Variants in EDIL3 observed in about 807,000 individuals in gnomAD.
EDIL3 encodes the protein EGF like and discoidin domains 3.
A neutral mutation model predicts 67.4 loss-of-function variants in EDIL3; 37 were observed. The observed-to-expected ratio is 0.55, with a 90% CI of 0.42 to 0.72. The LOEUF (loss-of-function observed/expected upper bound fraction) is 0.72. Ranked by LOEUF, EDIL3 falls within the 30% of genes least tolerant of loss-of-function variation. EDIL3 has a pLI of 0.00. For synonymous variants in EDIL3, 195 were observed against 196.3 expected (o/e 0.99, Z 0.05); for missense variants, 527 against 586.3 (o/e 0.90, Z 1.04).
At chr5:84,031,045 T>G (rs2301080) in intron 9 of EDIL3, among the ~76,000 whole-genome samples, 1,724 of 152,282 alleles carry the variant, frequency 0.011, 60 homozygotes, top group East Asian at 0.095. Flanking sequence ...TCTCCATGTC[T>G]TCACATGGTC....
chr5:84,115,512 T>A (rs1747649348), intron 5 of EDIL3, among the ~76,000 whole-genome samples: 1 of 152,172 alleles, frequency 6.6e-6, no homozygotes, highest in African/African-American at 2.4e-5. Flanking sequence ...GCCTATGAAC[T>A]CCAGTATTCA....
chr5:84,164,088 G>A (rs1280248046), intron 4 of EDIL3, among the ~76,000 whole-genome samples: 1 of 152,054 alleles, frequency 6.6e-6, no homozygotes, highest in Non-Finnish European at 1.5e-5. Flanking sequence ...AGATACAACT[G>A]AGAGGGATCT....
intron 1 of EDIL3, among the ~76,000 whole-genome samples, chr5:84,343,299 T>C (rs570313286): frequency 4.6e-5 from 7 of 152,156 alleles, no homozygotes; most frequent in African/African-American, 1.7e-4. Flanking sequence ...ACTCACTGAG[T>C]TCAGTACATT....
intron 3 of EDIL3, among the ~76,000 whole-genome samples, chr5:84,204,187 AGTT>A (rs1201219735): frequency 3.3e-5 from 5 of 152,206 alleles, no homozygotes; most frequent in African/African-American, 7.2e-5. Flanking sequence ...TTCATTAGAA[AGTT>A]GTTATCAGTT....
rs538513548 is a variant in EDIL3 at position 83,979,274 on chromosome 5, G to A, written c.1138-15914C>T. Among the ~76,000 whole-genome samples the A allele has an allele frequency of 1.4e-4, 21 of 152,168 alleles. No homozygotes were observed. The South Asian group carries it at 3.3e-3, about 24-fold the overall frequency. ...ACAATACTAAGTGTTAGGTGCTGGCGAGTAGATAGAGCAAGAATAACTCCC... is the reference window on the plus strand; with the variant it reads ...ACAATACTAAGTGTTAGGTGCTGGCAAGTAGATAGAGCAAGAATAACTCCC... On this transcript the variant is annotated intron_variant, in intron 9 of 10. Transcript: ENST00000296591.
chr5:83,985,598 A>G (rs1299867276), intron 9 of EDIL3, among the ~76,000 whole-genome samples: 1 of 152,072 alleles, frequency 6.6e-6, no homozygotes, highest in East Asian at 1.9e-4. Context: ...CTGAAATCAA[A>G]TTTGGGTACA....
chr5:84,229,966 AAG>A, intron 2 of EDIL3, 82 bp from the exon 3 acceptor site: 1 of 1,290,548 alleles, frequency 7.7e-7, no homozygotes, highest in Middle Eastern at 1.9e-4. Context: ...GAAAGAGAAA[AAG>A]AGATATTGAG....
At chr5:84,211,599 G>A (rs929835246) in intron 3 of EDIL3, among the ~76,000 whole-genome samples, 7 of 152,160 alleles carry the variant, frequency 4.6e-5, no homozygotes, top group African/African-American at 1.2e-4. Flanking sequence ...CAAAAGCGGA[G>A]CAGGTGATGT....
intron 3 of EDIL3, among the ~76,000 whole-genome samples, chr5:84,196,109 C>T (rs1413043845): frequency 1.3e-5 from 2 of 152,068 alleles, no homozygotes; most frequent in Non-Finnish European, 2.9e-5. Flanking sequence ...GTTGTTGCCT[C>T]TACCTTCAAA....
At position 84,067,512 on chromosome 5, in the gene EDIL3, A is replaced by C. The variant is rs1746666133; in HGVS notation, c.652-906T>G. Among the ~76,000 whole-genome samples, 3 of 152,270 alleles carry C rather than the reference A, an allele frequency of 2.0e-5. No homozygotes were observed. In the South Asian group the frequency reaches 6.2e-4, roughly 32 times the overall value. ...TAAATGTTCTTGATAAATTGCTATA[A>C]ATCACCCTCTCCAAAAATATAAATT... On this transcript the variant is annotated intron_variant, in intron 6 of 10. Transcript: ENST00000296591.
chr5:84,090,951 A>C (rs1163303338), intron 6 of EDIL3, among the ~76,000 whole-genome samples: 2 of 133,352 alleles, frequency 1.5e-5, no homozygotes, highest in East Asian at 4.3e-4. Context: ...TGTCTCAAAA[A>C]AACAAAAAAA....
At chr5:83,946,936 C>T (rs930143006) in intron 10 of EDIL3, among the ~76,000 whole-genome samples, 3 of 151,920 alleles carry the variant, frequency 2.0e-5, no homozygotes, top group Admixed American at 2.0e-4. Context: ...TACCATTGTT[C>T]TAACTTTTTG....
At chr5:84,295,776 T>A (rs1746038838) in intron 1 of EDIL3, among the ~76,000 whole-genome samples, 1 of 152,184 alleles carries the variant, frequency 6.6e-6, no homozygotes, top group African/African-American at 2.4e-5. Flanking sequence ...CTGTGTTGCT[T>A]AACTGTTATA....
intron 4 of EDIL3, among the ~76,000 whole-genome samples, chr5:84,145,015 C>T: frequency 6.6e-6 from 1 of 152,064 alleles, no homozygotes; most frequent in East Asian, 1.9e-4. Context: ...CTGAGAAGCA[C>T]TTTCCATGAA....
intron 3 of EDIL3, among the ~76,000 whole-genome samples, chr5:84,229,053 T>C (rs557715003): frequency 6.6e-6 from 1 of 152,254 alleles, no homozygotes; most frequent in South Asian, 2.1e-4. Flanking sequence ...TCTCAGGACT[T>C]GACTCTATTT....
intron 9 of EDIL3, among the ~76,000 whole-genome samples, chr5:83,972,108 T>C (rs896997393): frequency 9.2e-5 from 14 of 152,168 alleles, no homozygotes; most frequent in Admixed American, 9.2e-4. Flanking sequence ...CTGGCCTATA[T>C]GTTTCATGAA....
At chr5:84,101,054 A>G (rs912655703) in intron 6 of EDIL3, among the ~76,000 whole-genome samples, 3 of 152,080 alleles carry the variant, frequency 2.0e-5, no homozygotes, top group African/African-American at 4.8e-5. Flanking sequence ...ATCCTTTTAG[A>G]ATTATTAATA....
At chr5:84,331,017 A>T (rs1233665563) in intron 1 of EDIL3, among the ~76,000 whole-genome samples, 1 of 152,158 alleles carries the variant, frequency 6.6e-6, no homozygotes. Flanking sequence ...AGGTTTAATG[A>T]CTGTCCTATT....
At chr5:84,241,557 A>T (rs1744794127) in intron 2 of EDIL3, among the ~76,000 whole-genome samples, 2 of 152,152 alleles carry the variant, frequency 1.3e-5, no homozygotes, top group Non-Finnish European at 2.9e-5. Context: ...ATAATAAAAA[A>T]TAGGGCTCTC....
Sources: allele counts gnomAD v4.1 joint callset (sites outside exome capture counted in the v4.1 genomes callset), GRCh38; gene constraint gnomAD v4.1.1; transcripts MANE v1.5; gene names NCBI Gene and HGNC (gene_info 2026-07-23, HGNC 2026-07-21).